EPHB2: variants seen among roughly 807,000 people sequenced by gnomAD.
EPHB2 encodes the protein ephrin type-B receptor 2.
EPHB2 carries 18 observed loss-of-function variants against 96.4 expected under a neutral mutation model. The observed-to-expected ratio is 0.19, with a 90% CI of 0.13 to 0.28. EPHB2 has a LOEUF of 0.28. EPHB2 is among the 10% of genes least tolerant of loss of function. The probability of loss-of-function intolerance (pLI) is 1.00; values close to 1 mark genes in which losing one functional copy is unlikely to be tolerated. For synonymous variants in EPHB2, 506 were observed against 534.1 expected (o/e 0.95, Z 0.72); for missense variants, 989 against 1,355.4 (o/e 0.73, Z 4.25).
rs1638801480 is a variant in EPHB2 at position 22,875,306 on chromosome 1, A to G, written c.1304-7053A>G. On this transcript the variant is annotated intron_variant, in intron 5 of 15. Coordinates refer to ENST00000374630, the MANE Select transcript of EPHB2 (RefSeq NM_017449.5). This position sits in a 1 kb window ranked among gnomAD's most constrained non-coding sequence, Gnocchi z 4.2. ...TGTCCCATGATGAGCTGGGAATTCT[A>G]AGAGTCCCGTCCCAAGTAAACTGTC... 6.6e-6 allele frequency among the ~76,000 whole-genome samples: 1 copy of G among 152,208 alleles called. No individual in the cohort carries two copies.
At chr1:22,859,956 A>G (rs953052249) in intron 3 of EPHB2, among the ~76,000 whole-genome samples, 6 of 152,174 alleles carry the variant, frequency 3.9e-5, no homozygotes, top group Admixed American at 2.0e-4. Context: ...GCCATTGGCA[A>G]CCACGCATCG....
intron 5 of EPHB2, among the ~76,000 whole-genome samples, chr1:22,867,723 T>C (rs1185957607): frequency 6.6e-6 from 1 of 151,996 alleles, no homozygotes; most frequent in Non-Finnish European, 1.5e-5. Context: ...AATACAAAAA[T>C]TAGCCAGGCG....
At chr1:22,845,356 C>T (rs1168722247) in intron 3 of EPHB2, among the ~76,000 whole-genome samples, 1 of 152,200 alleles carries the variant, frequency 6.6e-6, no homozygotes, top group Non-Finnish European at 1.5e-5. Flanking sequence ...AATGTTAAAA[C>T]ATTAGTTCTG....
chr1:22,795,620 G>A (rs1024818764), intron 3 of EPHB2, among the ~76,000 whole-genome samples: 2 of 152,068 alleles, frequency 1.3e-5, no homozygotes, highest in Non-Finnish European at 2.9e-5. Context: ...TGTAACATTC[G>A]GATTCACTCC....
chr1:22,905,924 G>A (rs763614677), intron 9 of EPHB2, 63 bp from the exon 10 acceptor site: 96 of 1,612,676 alleles, frequency 6.0e-5, no homozygotes, highest in Admixed American at 1.0e-4. Flanking sequence ...ACTGGCTCCC[G>A]CTTTTCCTTT....
At chr1:22,868,188 C>G (rs1485287584) in intron 5 of EPHB2, among the ~76,000 whole-genome samples, 1 of 152,088 alleles carries the variant, frequency 6.6e-6, no homozygotes, top group African/African-American at 2.4e-5. Context: ...CTGTCTGGAG[C>G]TGGATGTACC....
At chr1:22,756,251 A>G (rs958413166) in intron 1 of EPHB2, among the ~76,000 whole-genome samples, 20 of 152,112 alleles carry the variant, frequency 1.3e-4, no homozygotes, top group Middle Eastern at 3.4e-3. Flanking sequence ...GACATGATAA[A>G]GGGGGTGTTC....
intron 1 of EPHB2, among the ~76,000 whole-genome samples, chr1:22,715,890 C>G (rs1434025548): frequency 6.6e-6 from 1 of 152,232 alleles, no homozygotes; most frequent in African/African-American, 2.4e-5. Flanking sequence ...CTTCAGTTTC[C>G]CCCTGGGTTC....
At chr1:22,782,105 TG>T (rs1218136558) in intron 2 of EPHB2, among the ~76,000 whole-genome samples, 2 of 152,166 alleles carry the variant, frequency 1.3e-5, no homozygotes, top group African/African-American at 4.8e-5. Flanking sequence ...TTACAGACTG[TG>T]GGGTCAAATA....
intron 1 of EPHB2, among the ~76,000 whole-genome samples, chr1:22,752,534 AAAAAT>A (rs1183617754): frequency 1.1e-3 from 169 of 150,260 alleles, no homozygotes; most frequent in Admixed American, 2.3e-3. Context: ...AAAATAATAC[AAAAAT>A]AAAATAAAAT....
intron 1 of EPHB2, among the ~76,000 whole-genome samples, chr1:22,768,151 G>A (rs1412500050): frequency 5.9e-5 from 9 of 152,200 alleles, no homozygotes; most frequent in African/African-American, 1.7e-4. Flanking sequence ...CTCCGAGGCA[G>A]CAGCCTCTCT....
chr1:22,760,199 G>C (rs1440062077), intron 1 of EPHB2, among the ~76,000 whole-genome samples: 2 of 152,050 alleles, frequency 1.3e-5, no homozygotes, highest in Non-Finnish European at 2.9e-5. Context: ...GGTGGAGGTG[G>C]GGCACTCAGA....
intron 1 of EPHB2, among the ~76,000 whole-genome samples, chr1:22,759,000 T>C (rs560429163): frequency 2.0e-3 from 307 of 151,854 alleles, no homozygotes; most frequent in African/African-American, 7.0e-3. Context: ...AGATGAATGA[T>C]GGATGGATGG....
At position 22,815,077 on chromosome 1, in the gene EPHB2, A is replaced by G. The variant is rs538211872; in HGVS notation, c.811+30001A>G. Among the ~76,000 whole-genome samples, 197 of 152,296 alleles carry G rather than the reference A, an allele frequency of 1.3e-3. 1 individual carries two copies. Among genetic ancestry groups the G allele is most frequent in the African/African-American group, 4.1e-3 (170 of 41,566 alleles). On this transcript the variant is annotated intron_variant, in intron 3 of 15. Transcript: ENST00000374630. ...TCCTGAGAGGTGCTTGTGGATGCCA[A>G]GGGGTGAGGGTTTAAATCCAGTTCC...
intron 3 of EPHB2, among the ~76,000 whole-genome samples, chr1:22,789,754 A>C (rs1212279714): frequency 6.6e-6 from 1 of 152,196 alleles, no homozygotes; most frequent in African/African-American, 2.4e-5. Context: ...GCAAATAAAT[A>C]AACTAGTTGC....
chr1:22,877,872 C>G (rs1638895694), intron 5 of EPHB2, among the ~76,000 whole-genome samples: 1 of 152,246 alleles, frequency 6.6e-6, no homozygotes, highest in Admixed American at 6.5e-5. Context: ...TGCACATTCT[C>G]AGGCCCCACT....
intron 9 of EPHB2, among the ~76,000 whole-genome samples, chr1:22,897,310 C>G (rs1371247274): frequency 1.3e-5 from 2 of 152,064 alleles, no homozygotes; most frequent in African/African-American, 4.8e-5. Context: ...GCTCACTCAG[C>G]AAAAAGGAGT....
intron 3 of EPHB2, among the ~76,000 whole-genome samples, chr1:22,817,861 C>T (rs547193239): frequency 1.3e-5 from 2 of 152,314 alleles, no homozygotes; most frequent in East Asian, 3.9e-4. Flanking sequence ...AAAGATGGGC[C>T]TTCCTAAAGG....
intron 3 of EPHB2, among the ~76,000 whole-genome samples, chr1:22,824,327 A>G (rs1645193799): frequency 6.6e-6 from 1 of 152,000 alleles, no homozygotes; most frequent in African/African-American, 2.4e-5. Context: ...AAAGAAGAAA[A>G]GAAGAAGAAA....
Sources: gnomAD v4.1 joint callset for allele counts (sites outside exome capture counted in the v4.1 genomes callset) on GRCh38, gnomAD v4.1.1 for gene constraint, Gnocchi (gnomAD v3.1) non-coding constraint, MANE v1.5 for transcripts, NCBI Gene and HGNC (gene_info 2026-07-23, HGNC 2026-07-21) for gene names.